The following GABRB1 variants were observed in gnomAD, a reference collection of about 807,000 sequenced individuals.
GABRB1 encodes the protein gamma-aminobutyric acid type A receptor subunit beta1.
In GABRB1, 17 loss-of-function variants were observed where a neutral mutation model predicts 51.6. The ratio of observed to expected loss-of-function variants is 0.33; its 90% confidence interval spans 0.23 to 0.49. The LOEUF (loss-of-function observed/expected upper bound fraction) is 0.49, where lower values mean the gene tolerates loss of function less well. GABRB1 is among the 20% of genes least tolerant of loss of function. The pLI, the probability that GABRB1 is intolerant of heterozygous loss-of-function variation, is 0.99. For missense variants in GABRB1, 410 were observed against 600.6 expected, an observed-to-expected ratio of 0.68 and a Z score of 3.32; for synonymous variants, 247 against 218.9, an observed-to-expected ratio of 1.13 and a Z score of -1.14.
chr4:47,006,234 T>C (rs898273582), intron 1 of GABRB1, among the ~76,000 whole-genome samples: 1 of 152,028 alleles, frequency 6.6e-6, no homozygotes, highest in Non-Finnish European at 1.5e-5. Context: ...AAAAATTTCA[T>C]AAGTCTACCA....
chr4:47,268,285 A>T (rs1008751822), intron 4 of GABRB1, among the ~76,000 whole-genome samples: 1 of 152,196 alleles, frequency 6.6e-6, no homozygotes, highest in African/African-American at 2.4e-5. Context: ...GATTTAATTG[A>T]ATTGTTAGAC....
chr4:47,285,052 A>G (rs1442629934), intron 4 of GABRB1, among the ~76,000 whole-genome samples: 4 of 152,240 alleles, frequency 2.6e-5, no homozygotes, highest in African/African-American at 9.6e-5. Flanking sequence ...AGTTTGCAAT[A>G]CAATGAGAGT....
At chr4:47,074,827 A>G (rs2109553006) in intron 3 of GABRB1, among the ~76,000 whole-genome samples, 1 of 152,348 alleles carries the variant, frequency 6.6e-6, no homozygotes, top group East Asian at 1.9e-4. Flanking sequence ...TGAATTTGAA[A>G]CCACTTATCT....
At chr4:47,091,318 T>C (rs1194555900) in intron 3 of GABRB1, among the ~76,000 whole-genome samples, 1 of 152,204 alleles carries the variant, frequency 6.6e-6, no homozygotes. Flanking sequence ...TTAACTTCTC[T>C]TAAATTTTCT....
intron 4 of GABRB1, among the ~76,000 whole-genome samples, chr4:47,313,849 T>G (rs1014605625): frequency 3.9e-5 from 6 of 152,080 alleles, no homozygotes; most frequent in African/African-American, 1.2e-4. Context: ...GGTGACCATA[T>G]TTGTATTTGT....
At chr4:47,097,337 T>C (rs1384273631) in intron 3 of GABRB1, among the ~76,000 whole-genome samples, 1 of 152,188 alleles carries the variant, frequency 6.6e-6, no homozygotes, top group African/African-American at 2.4e-5. Flanking sequence ...TTGGTGTCTC[T>C]ACACGGAAAA....
chr4:47,231,103 A>G (rs1721124845), intron 4 of GABRB1, among the ~76,000 whole-genome samples: 1 of 152,198 alleles, frequency 6.6e-6, no homozygotes. Context: ...CTGAGTCCCA[A>G]CCTTTGTCCC....
intron 5 of GABRB1, among the ~76,000 whole-genome samples, chr4:47,361,073 A>G (rs4437226): frequency 0.2 from 31,022 of 152,090 alleles, 4,032 homozygotes; most frequent in Middle Eastern, 0.36. Flanking sequence ...CAGAATTTAA[A>G]CCTAGTTAAT....
chr4:47,019,936 G>GTATACA (rs1724880510), intron 1 of GABRB1, among the ~76,000 whole-genome samples: 1 of 149,822 alleles, frequency 6.7e-6, no homozygotes, highest in African/African-American at 2.5e-5. Flanking sequence ...ATATGTATAC[G>GTATACA]TATATGTATA....
At chr4:47,077,941 T>C (rs1577886757) in intron 3 of GABRB1, among the ~76,000 whole-genome samples, 1 of 112,760 alleles carries the variant, frequency 8.9e-6, no homozygotes, top group Middle Eastern at 4.1e-3. Flanking sequence ...TTATATATTT[T>C]ATATATATTA....
intron 4 of GABRB1, among the ~76,000 whole-genome samples, chr4:47,205,051 C>T (rs1032417602): frequency 1.3e-5 from 2 of 152,096 alleles, no homozygotes; most frequent in African/African-American, 4.8e-5. Flanking sequence ...CACATACACA[C>T]AGATACACAT....
intron 1 of GABRB1, among the ~76,000 whole-genome samples, chr4:47,008,806 C>A (rs1246576838): frequency 7.2e-6 from 1 of 139,318 alleles, no homozygotes; most frequent in African/African-American, 2.6e-5. Context: ...TTTAAAAATA[C>A]CAGCAGTATT....
At chr4:47,243,044 T>C (rs1245526365) in intron 4 of GABRB1, among the ~76,000 whole-genome samples, 2 of 152,242 alleles carry the variant, frequency 1.3e-5, no homozygotes, top group Non-Finnish European at 2.9e-5. Flanking sequence ...CTTTAATCCA[T>C]CTTGAATTAA....
intron 4 of GABRB1, among the ~76,000 whole-genome samples, chr4:47,203,780 C>G (rs1262146199): frequency 6.6e-6 from 1 of 151,958 alleles, no homozygotes; most frequent in African/African-American, 2.4e-5. Flanking sequence ...CACAGCTGCC[C>G]CCTCAGAGCG....
At chr4:47,016,770 A>G (rs911405108) in intron 1 of GABRB1, among the ~76,000 whole-genome samples, 1 of 151,886 alleles carries the variant, frequency 6.6e-6, no homozygotes, top group Non-Finnish European at 1.5e-5. Flanking sequence ...TTGTATTTTT[A>G]GTAGAGACAG....
At chr4:47,376,859 G>T (rs987203367) in intron 5 of GABRB1, among the ~76,000 whole-genome samples, 9 of 152,104 alleles carry the variant, frequency 5.9e-5, no homozygotes, top group African/African-American at 2.2e-4. Context: ...TAATAGTAAG[G>T]ATTTATTAGA....
intron 5 of GABRB1, among the ~76,000 whole-genome samples, chr4:47,359,752 C>T (rs924140590): frequency 2.7e-4 from 41 of 152,088 alleles, no homozygotes; most frequent in Admixed American, 8.5e-4. Flanking sequence ...TCAGACAAAA[C>T]CCTGCCTTTA....
At chr4:47,303,850 T>C (rs925972897) in intron 4 of GABRB1, among the ~76,000 whole-genome samples, 1 of 152,036 alleles carries the variant, frequency 6.6e-6, no homozygotes, top group Non-Finnish European at 1.5e-5. Context: ...GTAACCAGCA[T>C]TCTATTCTCT....
At chr4:47,203,053 A>G (rs545503835) in intron 4 of GABRB1, among the ~76,000 whole-genome samples, 2 of 152,308 alleles carry the variant, frequency 1.3e-5, no homozygotes, top group East Asian at 3.9e-4. Flanking sequence ...CCTTCCAAGT[A>G]GGCTTTTCTG....
Sources: gnomAD v4.1 joint callset for allele counts (sites outside exome capture counted in the v4.1 genomes callset) on GRCh38, gnomAD v4.1.1 for gene constraint, MANE v1.5 for transcripts, NCBI Gene and HGNC (gene_info 2026-07-23, HGNC 2026-07-21) for gene names.